The following TTC38 variants were observed in gnomAD, a reference collection of about 807,000 sequenced individuals.
The protein encoded by TTC38 is tetratricopeptide repeat protein 38.
In TTC38, 64 loss-of-function variants were observed where a neutral mutation model predicts 64.2. The observed-to-expected ratio is 1.00, with a 90% CI of 0.81 to 1.23. The LOEUF (loss-of-function observed/expected upper bound fraction) is 1.23. TTC38 is among the 50% of genes most tolerant of loss of function. TTC38 has a pLI of 0.00. For synonymous variants in TTC38, 254 were observed against 249.3 expected (o/e 1.02, Z -0.18); for missense variants, 573 against 615.5 (o/e 0.93, Z 0.73).
Position 46,281,700 on chromosome 22 carries a change from C to T in TTC38, c.717C>T (p.His239=). ...AGGATGGGTTGGAATTCATGCAGCA[C>T]TCAGAGACCTTCTGGAAGGTATGAT... ...EIKDGLEFMQ[H]SETFWKDSDM... is the part of the protein sequence containing the mutation. The change falls in exon 7 of 14, where the codon CAC becomes CAT. Residue 239 remains histidine (H), a synonymous_variant. Transcript: ENST00000381031. This position sits in a 1 kb window ranked among gnomAD's most constrained non-coding sequence, Gnocchi z 5.2. 6.2e-7 allele frequency: 1 copy of T among 1,614,082 alleles called. No homozygotes were observed. Among genetic ancestry groups the T allele is most frequent in the South Asian group, 1.1e-5 (1 of 91,084 alleles).
At chr22:46,284,774 C>G (rs1054471160) in intron 8 of TTC38, among the ~76,000 whole-genome samples, 2 of 145,556 alleles carry the variant, frequency 1.4e-5, no homozygotes, top group Non-Finnish European at 3.0e-5. Context: ...GAGCCTGAGG[C>G]ATGAGAATCG....
At position 46,292,724 on chromosome 22, in the gene TTC38, A is replaced by AG; in HGVS notation, c.1317-64dup. The AG allele has an allele frequency of 7.1e-7, 1 of 1,406,760 alleles. No individual in the cohort carries two copies. The highest frequency in any genetic ancestry group is 1.0e-6 in the Non-Finnish European group (1 of 994,960). 87.1% of individuals were successfully genotyped at this position (1,406,760 alleles called of 1,614,324 possible). On this transcript the variant is annotated intron_variant, in intron 13 of 13. Transcript: ENST00000381031. This position sits in a 1 kb window ranked among gnomAD's most constrained non-coding sequence, Gnocchi z 6.5. ...CTGCCTGTGTTCTGCCTTGGGACCA[A>AG]GGGACCACCAGGCCCCACATCCCTC... is the stretch of plus-strand genomic sequence containing the variant.
rs1294639099 is a variant in TTC38, at chr22:46,275,674, T to A, written c.539+253T>A. ...GTAATAAACATCCCCTGGTTCTTCT[T>A]CCCCAAAGCTTATTACAGCAAAGGT... On this transcript the variant is annotated intron_variant, in intron 5 of 13. Transcript: ENST00000381031. This position sits in a 1 kb window ranked among gnomAD's most constrained non-coding sequence, Gnocchi z 4.5. 6.6e-6 allele frequency among the ~76,000 whole-genome samples: 1 copy of A among 152,148 alleles called. No homozygotes were observed.
rs1017861312 is a variant in TTC38 at position 46,275,949 on chromosome 22, C to T, written c.539+528C>T. Reference sequence around the variant, plus strand: ...ATGACCTCACCCACCCACAAGAGACCAGGAAGTACAGTTCTACCGTGTGCT... The same window carrying T: ...ATGACCTCACCCACCCACAAGAGACTAGGAAGTACAGTTCTACCGTGTGCT... On this transcript the variant is annotated intron_variant, in intron 5 of 13. Coordinates refer to ENST00000381031, the MANE Select transcript of TTC38 (RefSeq NM_017931.4). The surrounding 1 kb of genome is among the most constrained non-coding windows in gnomAD (Gnocchi z 4.5). Among the ~76,000 whole-genome samples, 3 of 152,080 alleles carry T rather than the reference C, an allele frequency of 2.0e-5. No homozygotes were observed. Among genetic ancestry groups the T allele is most frequent in the African/African-American group, 7.2e-5 (3 of 41,524 alleles).
Position 46,270,042 on chromosome 22 carries a change from T to C in TTC38, c.111+1451T>C, listed in dbSNP as rs1936860413. ...CTCCTGACCTTGTGATTCCCCTGCC[T>C]TGGCCTCTCAAAGTGCTGGGATTAC... On this transcript the variant is annotated intron_variant, in intron 2 of 13. Transcript: ENST00000381031. The surrounding 1 kb of genome is among the most constrained non-coding windows in gnomAD (Gnocchi z 4.7). Among the ~76,000 whole-genome samples, 1 of 152,216 alleles carries C rather than the reference T, an allele frequency of 6.6e-6. No homozygotes were observed. Among genetic ancestry groups the C allele is most frequent in the African/African-American group, 2.4e-5 (1 of 41,462 alleles).
In TTC38 at chr22:46,281,553, G is replaced by T; in HGVS notation, c.616-46G>T. The stretch of plus-strand genomic sequence containing the variant: ...CTGCCGTCGCCTGCCCCGGCAGCCT[G>T]ACTGATCTGCTTTATCTGGAATCCT... On this transcript the variant is annotated intron_variant, in intron 6 of 13. Transcript: ENST00000381031. The surrounding 1 kb of genome is among the most constrained non-coding windows in gnomAD (Gnocchi z 5.2). 6.2e-7 allele frequency: 1 copy of T among 1,604,388 alleles called. No individual in the cohort carries two copies. Among genetic ancestry groups the T allele is most frequent in the South Asian group, 1.1e-5 (1 of 90,740 alleles).
intron 2 of TTC38, chr22:46,269,371 T>C (rs952401911): frequency 5.6e-6 from 1 of 179,834 alleles, no homozygotes; most frequent in South Asian, 1.0e-4. Flanking sequence ...AAGGGTCCTA[T>C]AGTTTTAGAA....
Position 46,274,011 on chromosome 22 carries a change from C to T in TTC38, c.307C>T (p.Gln103Ter). ...VKTMVEISRT[Q>*]PLTRREQLHV... ...GACAATGGTGGAGATTTCAAGAACC[C>T]AGCCGCTGACAAGGCGGGAGCAGCT... The change falls in exon 4 of 14, where the codon CAG becomes TAG. Residue 103 changes from glutamine to a stop codon, truncating the protein, a stop_gained. Transcript: ENST00000381031. LOFTEE classifies it high-confidence loss of function. The surrounding 1 kb of genome is among the most constrained non-coding windows in gnomAD (Gnocchi z 4.8). 6.2e-7 allele frequency: 1 copy of T among 1,614,216 alleles called. No individual in the cohort carries two copies. Among genetic ancestry groups the T allele is most frequent in the Non-Finnish European group, 8.5e-7 (1 of 1,180,040 alleles).
Position 46,272,245 on chromosome 22 carries a change from C to A in TTC38, c.112-90C>A. 1 of 1,054,796 alleles carries A rather than the reference C, an allele frequency of 9.5e-7. No individual in the cohort carries two copies. Among genetic ancestry groups the A allele is most frequent in the South Asian group, 1.3e-5 (1 of 75,484 alleles). 65.3% of individuals were successfully genotyped at this position (1,054,796 alleles called of 1,614,324 possible). A position where few individuals can be genotyped will look rare whatever the true frequency, so the allele number is the denominator to read the frequency against. ...ACCTCAGATGTTCTGCCCGCCTCGGCCTCCCAAAGTGTAAACCTGGATTTA... is the reference window on the plus strand; with the variant it reads ...ACCTCAGATGTTCTGCCCGCCTCGGACTCCCAAAGTGTAAACCTGGATTTA... On this transcript the variant is annotated intron_variant, in intron 2 of 13. Coordinates refer to ENST00000381031, the MANE Select transcript of TTC38 (RefSeq NM_017931.4). This position sits in a 1 kb window ranked among gnomAD's most constrained non-coding sequence, Gnocchi z 6.4.
Position 46,293,027 on chromosome 22 carries a change from G to A in TTC38, c.*143G>A. ...AGGGTGATCTTCAGTTTTACAGGAA[G>A]TGGGTCACGGGTTAATTTTAAATGT... On this transcript the variant is annotated 3_prime_UTR_variant, in exon 14 of 14. Transcript: ENST00000381031. The surrounding 1 kb of genome is among the most constrained non-coding windows in gnomAD (Gnocchi z 6.6). The A allele has an allele frequency of 3.2e-6, 2 of 616,216 alleles. No individual in the cohort carries two copies. The highest frequency in any genetic ancestry group is 3.7e-5 in the South Asian group (2 of 53,664). The allele number at this position is 616,216 out of a possible 1,614,324, so 38.2% of individuals were successfully genotyped here. A position where few individuals can be genotyped will look rare whatever the true frequency, so the allele number is the denominator to read the frequency against.
intron 1 of TTC38, 48 bp downstream of exon 1, chr22:46,268,120 T>C (rs774501552): frequency 6.6e-7 from 1 of 1,518,820 alleles, no homozygotes; most frequent in Non-Finnish European, 8.8e-7. Context: ...CCCCGGGTCC[T>C]GGGGGTGGCC....
chr22:46,276,736 A>ATATATATTAAAAAT lies in TTC38; in HGVS notation c.539+1315_539+1316insTATATATTAAAAAT, dbSNP rs921651940. 7.2e-6 allele frequency among the ~76,000 whole-genome samples: 1 copy of ATATATATTAAAAAT among 138,658 alleles called. No homozygotes were observed. Among genetic ancestry groups the ATATATATTAAAAAT allele is most frequent in the African/African-American group, 2.9e-5 (1 of 34,328 alleles). The allele number at this position is 138,658 out of a possible 152,430, so 91.0% of individuals were successfully genotyped here. A position where few individuals can be genotyped will look rare whatever the true frequency, so the allele number is the denominator to read the frequency against. On this transcript the variant is annotated intron_variant, in intron 5 of 13. Transcript: ENST00000381031. This position sits in a 1 kb window ranked among gnomAD's most constrained non-coding sequence, Gnocchi z 4.7. ...ATATTAAAAATATATATATTAAAAAAATATATATAAAATACATATATTAAA... is the reference window on the plus strand; with the variant it reads ...ATATTAAAAATATATATATTAAAAAATATATATTAAAAATATATATATAAAATACATATATTAAA...
chr22:46,274,101 C>T lies in TTC38; in HGVS notation c.365+32C>T. 6.3e-7 allele frequency: 1 copy of T among 1,597,818 alleles called. No individual in the cohort carries two copies. The highest frequency in any genetic ancestry group is 8.6e-7 in the Non-Finnish European group (1 of 1,169,244). On this transcript the variant is annotated intron_variant, in intron 4 of 13. Coordinates refer to ENST00000381031, the MANE Select transcript of TTC38 (RefSeq NM_017931.4). The surrounding 1 kb of genome is among the most constrained non-coding windows in gnomAD (Gnocchi z 4.8). ...GGCCTCCCTGGGCTGGGAGCTGGCA[C>T]CCTGAGGCTGAGCTGGGGGAGTGGC...
rs922624009 is a variant in TTC38 at position 46,292,689 on chromosome 22, G to A, written c.1317-102G>A. The A allele has an allele frequency of 7.1e-5, 75 of 1,053,054 alleles. 1 individual carries two copies. The highest frequency in any genetic ancestry group is 1.3e-4 in the South Asian group (10 of 74,538). 65.2% of individuals were successfully genotyped at this position (1,053,054 alleles called of 1,614,324 possible). A position where few individuals can be genotyped will look rare whatever the true frequency, so the allele number is the denominator to read the frequency against. On this transcript the variant is annotated intron_variant, in intron 13 of 13. Transcript: ENST00000381031. This position sits in a 1 kb window ranked among gnomAD's most constrained non-coding sequence, Gnocchi z 6.5. ...TGGCCCTTGCTGTTCCCTCAGTGCC[G>A]CAGTCTAGCCTGCCTGTGTTCTGCC...
chr22:46,274,056 A>T lies in TTC38; in HGVS notation c.352A>T (p.Thr118Ser). The change falls in exon 4 of 14, where the codon ACA becomes TCA. Residue 118 changes from threonine to serine, a missense_variant. Coordinates refer to ENST00000381031, the MANE Select transcript of TTC38 (RefSeq NM_017931.4). The surrounding 1 kb of genome is among the most constrained non-coding windows in gnomAD (Gnocchi z 4.8). ...REQLHVSAVE[T>S]FANGNFPKAC... is the part of the protein sequence containing the mutation. ...GCAGCTGCACGTGTCTGCAGTAGAG[A>T]CATTTGCCAATGGGTGAGGGGCCTC... 1 of 1,599,684 alleles carries T rather than the reference A, an allele frequency of 6.3e-7. No homozygotes were observed. The highest frequency in any genetic ancestry group is 8.5e-7 in the Non-Finnish European group (1 of 1,170,890).
rs763753465 is a variant in TTC38 at position 46,288,575 on chromosome 22, C to A, written c.1069C>A (p.Arg357=). 3.1e-6 allele frequency: 5 copies of A among 1,613,114 alleles called. No individual in the cohort carries two copies. Among genetic ancestry groups the A allele is most frequent in the Non-Finnish European group, 4.2e-6 (5 of 1,179,540 alleles). ...CACACAGGAGCTGCTGACCACCCTGCGGGACGCCAGCGAGTATGCAGAGGG... is the reference window on the plus strand; with the variant it reads ...CACACAGGAGCTGCTGACCACCCTGAGGGACGCCAGCGAGTATGCAGAGGG... The part of the protein sequence containing the change: ...QTTQELLTTL[R]DASESPGENC... The change falls in exon 11 of 14, where the codon CGG becomes AGG. Residue 357 remains arginine, a synonymous_variant. Transcript: ENST00000381031.
At position 46,281,251 on chromosome 22, in the gene TTC38, C is replaced by T. The variant is rs1462663474; in HGVS notation, c.616-348C>T. On this transcript the variant is annotated intron_variant, in intron 6 of 13. Transcript: ENST00000381031. This position sits in a 1 kb window ranked among gnomAD's most constrained non-coding sequence, Gnocchi z 5.2. ...GGCGGCAGCTGAGGCCCAGAGAGGG[C>T]GGGTATGTTTTGCAAGCACCTCAGC... 6.6e-6 allele frequency among the ~76,000 whole-genome samples: 1 copy of T among 152,212 alleles called. No individual in the cohort carries two copies. Among genetic ancestry groups the T allele is most frequent in the Non-Finnish European group, 1.5e-5 (1 of 68,028 alleles).
rs367977750 is a variant in TTC38 at position 46,275,231 on chromosome 22, T to A, written c.366-17T>A. 4 of 1,610,362 alleles carry A rather than the reference T, an allele frequency of 2.5e-6. No individual in the cohort carries two copies. Among genetic ancestry groups the A allele is most frequent in the Non-Finnish European group, 3.4e-6 (4 of 1,178,498 alleles). On this transcript the variant is annotated splice_polypyrimidine_tract_variant and intron_variant, in intron 4 of 13. Coordinates refer to ENST00000381031, the MANE Select transcript of TTC38 (RefSeq NM_017931.4). The surrounding 1 kb of genome is among the most constrained non-coding windows in gnomAD (Gnocchi z 4.5). ...CTATGTGTTCAGCGTTGGTGAGAAA[T>A]CTTTCTCGGTTTCCAGGAACTTTCC...
intron 2 of TTC38, chr22:46,269,280 G>C (rs917794002): frequency 1.1e-5 from 3 of 273,438 alleles, no homozygotes; most frequent in African/African-American, 7.1e-5. Flanking sequence ...TCCTGTCCTG[G>C]GATGAATCTG....
Sources: gnomAD v4.1 joint callset for allele counts (sites outside exome capture counted in the v4.1 genomes callset) on GRCh38, gnomAD v4.1.1 for gene constraint, Gnocchi (gnomAD v3.1) non-coding constraint, MANE v1.5 for transcripts, NCBI Gene and HGNC (gene_info 2026-07-23, HGNC 2026-07-21) for gene names.